MYO5A: variants seen among roughly 807,000 people sequenced by gnomAD.
MYO5A encodes the protein unconventional myosin-Va.
A neutral mutation model predicts 249.7 loss-of-function variants in MYO5A; 98 were observed. The ratio of observed to expected loss-of-function variants is 0.39; its 90% confidence interval spans 0.33 to 0.46. The LOEUF (loss-of-function observed/expected upper bound fraction) is 0.46, where lower values mean the gene tolerates loss of function less well. MYO5A is among the 20% of genes least tolerant of loss of function. The probability of loss-of-function intolerance (pLI) is 0.98; values close to 1 mark genes in which losing one functional copy is unlikely to be tolerated. For synonymous variants in MYO5A, 778 were observed against 810.6 expected, an observed-to-expected ratio of 0.96 and a Z score of 0.68; for missense variants, 1,696 against 2,308.8, an observed-to-expected ratio of 0.73 and a Z score of 5.44.
chr15:52,401,861 C>G (rs1013000498), intron 9 of MYO5A, among the ~76,000 whole-genome samples: 3 of 152,212 alleles, frequency 2.0e-5, no homozygotes, highest in Non-Finnish European at 4.4e-5. Context: ...TGGGTCCTAT[C>G]TTGCATTTTG....
At chr15:52,353,401 T>A (rs371529675) in intron 27 of MYO5A, among the ~76,000 whole-genome samples, 33 of 152,166 alleles carry the variant, frequency 2.2e-4, no homozygotes, top group Non-Finnish European at 4.4e-4. Flanking sequence ...CTTCTCCTGT[T>A]CCTGTTAAGA....
intron 1 of MYO5A, among the ~76,000 whole-genome samples, chr15:52,437,672 C>CA (rs1363798500): frequency 1.3e-5 from 2 of 148,416 alleles, no homozygotes; most frequent in Non-Finnish European, 3.0e-5. Flanking sequence ...GATGAAAACA[C>CA]AAAAAAGGAA....
chr15:52,398,445 G>C (rs1333470094), intron 9 of MYO5A, among the ~76,000 whole-genome samples: 1 of 152,146 alleles, frequency 6.6e-6, no homozygotes, highest in Non-Finnish European at 1.5e-5. Context: ...GTGGATAACT[G>C]AGGAAATAGG....
chr15:52,436,408 A>T (rs770410920), intron 1 of MYO5A, among the ~76,000 whole-genome samples: 1 of 152,118 alleles, frequency 6.6e-6, no homozygotes, highest in Non-Finnish European at 1.5e-5. Flanking sequence ...AGCCCTCTAT[A>T]ATGTACTTCT....
At chr15:52,424,628 T>C (rs138222711) in intron 4 of MYO5A, among the ~76,000 whole-genome samples, 5 of 152,324 alleles carry the variant, frequency 3.3e-5, no homozygotes, top group East Asian at 1.9e-4. Context: ...GGACCAATCA[T>C]GTATACTCTC....
chr15:52,515,377 G>T (rs1026167190), intron 1 of MYO5A, among the ~76,000 whole-genome samples: 6 of 152,152 alleles, frequency 3.9e-5, no homozygotes, highest in African/African-American at 1.4e-4. Flanking sequence ...GGGTGCAGGG[G>T]TGTGGGGGAA....
intron 34 of MYO5A, among the ~76,000 whole-genome samples, chr15:52,335,598 A>C (rs1031009046): frequency 6.6e-6 from 1 of 152,016 alleles, no homozygotes; most frequent in Admixed American, 6.5e-5. Flanking sequence ...ACTCTTAACA[A>C]ATAAACACAT....
At chr15:52,519,170 C>T (rs986228784) in intron 1 of MYO5A, among the ~76,000 whole-genome samples, 9 of 152,030 alleles carry the variant, frequency 5.9e-5, no homozygotes, top group Non-Finnish European at 1.2e-4. Context: ...AATAAGAAAT[C>T]GTGCAACTTA....
In MYO5A at chr15:52,353,905, C is replaced by A. The variant is rs755246020; in HGVS notation, c.3533G>T (p.Arg1178Leu). 3 of 1,614,022 alleles carry A rather than the reference C, an allele frequency of 1.9e-6. No individual in the cohort carries two copies. The highest frequency in any genetic ancestry group is 2.5e-6 in the Non-Finnish European group (3 of 1,180,042). ...EKQVMQDELDRKEEQVLRSKA... is the reference protein window; with the variant it reads ...EKQVMQDELDLKEEQVLRSKA... The stretch of plus-strand genomic sequence containing the variant: ...GCTGCGGAGCACCTGCTCCTCCTTG[C>A]GGTCCAGCTCATCCTGCATCACCTG... The change falls in exon 26 of 42, where the codon CGC (arginine) becomes CTC (leucine). Residue 1178 changes from arginine to leucine, a missense_variant. Physicochemically the swap from Arg to Leu is moderately radical, Grantham distance 102. This residue lies in a region of MYO5A where 625 missense variants were observed against 908.1 expected (regional missense o/e 0.69). Transcript: ENST00000399233.
intron 2 of MYO5A, among the ~76,000 whole-genome samples, chr15:52,431,617 G>C (rs1174662797): frequency 6.6e-6 from 1 of 150,456 alleles, no homozygotes; most frequent in Non-Finnish European, 1.5e-5. Context: ...TCCAATATAA[G>C]GTAACAGGGC....
chr15:52,317,004 T>TCCAA lies in MYO5A; in HGVS notation c.5409+43_5409+44insTTGG. 1.9e-6 allele frequency: 3 copies of TCCAA among 1,582,182 alleles called. No homozygotes were observed. In the South Asian group the frequency reaches 3.3e-5, roughly 17 times the overall value. On this transcript the variant is annotated intron_variant, in intron 40 of 41. Coordinates refer to ENST00000399233, the MANE Select transcript of MYO5A (RefSeq NM_001382347.1). ...TTCTTTACTTCCCTAAAGATCATCT[T>TCCAA]TGATGAATGTTAAATTATTTTGTAA...
chr15:52,417,569 T>C (rs1217642114), intron 4 of MYO5A, among the ~76,000 whole-genome samples: 3 of 152,210 alleles, frequency 2.0e-5, no homozygotes, highest in East Asian at 3.8e-4. Context: ...CTCTCCAAAA[T>C]TCATGTTGAA....
intron 16 of MYO5A, among the ~76,000 whole-genome samples, chr15:52,382,507 G>T (rs2041797079): frequency 6.6e-6 from 1 of 152,190 alleles, no homozygotes; most frequent in African/African-American, 2.4e-5. Flanking sequence ...GGAGGCAGAG[G>T]TTGCGGTAAG....
At chr15:52,493,561 C>G (rs2076977289) in intron 1 of MYO5A, among the ~76,000 whole-genome samples, 1 of 152,002 alleles carries the variant, frequency 6.6e-6, no homozygotes, top group African/African-American at 2.4e-5. Flanking sequence ...ACTCGGGAGG[C>G]TGAGGCAAGA....
chr15:52,401,797 C>T (rs887695001), intron 9 of MYO5A, among the ~76,000 whole-genome samples: 2 of 152,130 alleles, frequency 1.3e-5, no homozygotes, highest in African/African-American at 4.8e-5. Context: ...TAAAATTAGA[C>T]ATTATTACTC....
intron 4 of MYO5A, among the ~76,000 whole-genome samples, chr15:52,422,422 C>T (rs779753941): frequency 6.6e-6 from 1 of 152,182 alleles, no homozygotes; most frequent in Admixed American, 6.5e-5. Context: ...ACAACACACA[C>T]AACCTGCTCT....
intron 24 of MYO5A, among the ~76,000 whole-genome samples, chr15:52,361,858 T>G (rs2040546022): frequency 6.6e-6 from 1 of 152,362 alleles, no homozygotes; most frequent in African/African-American, 2.4e-5. Flanking sequence ...CTCCCTCCTC[T>G]TCTGCTCCTG....
At chr15:52,468,055 C>G (rs1892344306) in intron 1 of MYO5A, among the ~76,000 whole-genome samples, 1 of 152,168 alleles carries the variant, frequency 6.6e-6, no homozygotes, top group Admixed American at 6.5e-5. Context: ...AAAAGTTAAA[C>G]AAAGAAAAGA....
chr15:52,450,856 T>TGTTTTTTGTTTTTTGG (rs1567138445), intron 1 of MYO5A, among the ~76,000 whole-genome samples: 1 of 146,582 alleles, frequency 6.8e-6, no homozygotes, highest in East Asian at 2.0e-4. Flanking sequence ...TTTTTTTTTT[T>TGTTTTTTGTTTTTTGG]TTTTTTTTTG....
Sources: allele counts gnomAD v4.1 joint callset (sites outside exome capture counted in the v4.1 genomes callset), GRCh38; gene constraint gnomAD v4.1.1; regional missense constraint gnomAD v4.1.1; transcripts MANE v1.5; gene names NCBI Gene and HGNC (gene_info 2026-07-23, HGNC 2026-07-21).